FAM149A: variants seen among roughly 807,000 people sequenced by gnomAD.
FAM149A encodes the protein protein FAM149A.
Under a neutral mutation model 78.2 loss-of-function variants are expected in FAM149A, and 71 were observed. The observed-to-expected ratio is 0.91, with a 90% confidence interval of 0.75 to 1.11. FAM149A has a LOEUF of 1.11. FAM149A is among the 50% of genes least tolerant of loss of function. The pLI is 0.00. For synonymous variants in FAM149A, 446 were observed against 410.5 expected (o/e 1.09, Z -1.04); for missense variants, 1,036 against 971.0 (o/e 1.07, Z -0.89).
chr4:186,151,118 G>A, intron 3 of FAM149A: 2 of 951,730 alleles, frequency 2.1e-6, no homozygotes, highest in Non-Finnish European at 2.5e-6. Flanking sequence ...GTGCACCGAG[G>A]GGGTCTGAAA....
chr4:186,139,570 G>C (rs1049578184), intron 1 of FAM149A, among the ~76,000 whole-genome samples: 3 of 152,196 alleles, frequency 2.0e-5, no homozygotes, highest in Admixed American at 6.5e-5. Flanking sequence ...CTACCACCTT[G>C]ATCTTGGACT....
intron 6 of FAM149A, chr4:186,155,038 C>G (rs1235720253): frequency 3.1e-6 from 2 of 643,198 alleles, no homozygotes; most frequent in African/African-American, 3.9e-5. Flanking sequence ...GCTCGGCTGA[C>G]TGCAAACTCC....
At chr4:186,124,209 G>A (rs2099317271) in intron 1 of FAM149A, 1 of 985,306 alleles carries the variant, frequency 1.0e-6, no homozygotes, top group Non-Finnish European at 1.2e-6. Flanking sequence ...TGGAGGCAGA[G>A]GGTGGGTTGG....
At chr4:186,131,145 C>A (rs1230424550) in intron 1 of FAM149A, among the ~76,000 whole-genome samples, 1 of 151,962 alleles carries the variant, frequency 6.6e-6, no homozygotes, top group Middle Eastern at 3.2e-3. Flanking sequence ...GTCAAGAGTT[C>A]GAGACCAGAC....
intron 1 of FAM149A, chr4:186,116,772 T>C: frequency 1.0e-6 from 1 of 981,678 alleles, no homozygotes; most frequent in Non-Finnish European, 1.2e-6. Flanking sequence ...GAGTTAGCAG[T>C]TATATGTTTT....
rs1735610005 is a variant in FAM149A, at chr4:186,172,561, C to A, written c.*574C>A. 2 of 112,476 alleles carry A rather than the reference C, an allele frequency of 1.8e-5. 1 individual carries two copies. Among genetic ancestry groups the A allele is most frequent in the Admixed American group, 1.7e-4 (2 of 11,532 alleles). The allele number at this position is 112,476 out of a possible 1,614,324, so 7.0% of individuals were successfully genotyped here. On this transcript the variant is annotated 3_prime_UTR_variant, in exon 14 of 14. Coordinates refer to ENST00000389354, the MANE Select transcript of FAM149A (RefSeq NM_001367768.3). The stretch of plus-strand genomic sequence containing the variant: ...AATGTCAGTGGCAAAATCTCCCAAG[C>A]TAATTTTCTTTTTCTATGTTCCATC...
chr4:186,149,324 GC>G (rs1733289495), intron 2 of FAM149A, 41 bp downstream of exon 2: 4 of 1,269,322 alleles, frequency 3.2e-6, no homozygotes, highest in Non-Finnish European at 4.1e-6. Flanking sequence ...ATCACAAAAT[GC>G]CCGTAACAAA....
intron 1 of FAM149A, among the ~76,000 whole-genome samples, chr4:186,119,375 CAG>C (rs1427848844): frequency 6.6e-6 from 1 of 152,094 alleles, no homozygotes; most frequent in Non-Finnish European, 1.5e-5. Flanking sequence ...CTGAAAAGCA[CAG>C]AAACAAAATA....
At chr4:186,149,841 A>T (rs1341441403) in intron 3 of FAM149A, 137 bp downstream of exon 3, 1 of 470,250 alleles carries the variant, frequency 2.1e-6, no homozygotes, top group Non-Finnish European at 3.2e-6. Context: ...ATGTAAAAGC[A>T]TGTACATGTT....
chr4:186,135,677 T>C (rs28592939), intron 1 of FAM149A, among the ~76,000 whole-genome samples: 114,189 of 152,098 alleles, frequency 0.75, 43,045 homozygotes, highest in Middle Eastern at 0.87. Flanking sequence ...TATTTCCTTC[T>C]CAAGGCACAC....
chr4:186,139,186 T>G lies in FAM149A; in HGVS notation c.567-9987T>G, dbSNP rs7686442. On this transcript the variant is annotated intron_variant, in intron 1 of 13. Transcript: ENST00000389354. ...GCTCTCATTCTTCTGTTGTTTTGGT[T>G]TTTGTTTTTTGAGCACTTTCCTACA... Among the ~76,000 whole-genome samples, 495 of 152,206 alleles carry G rather than the reference T, an allele frequency of 3.3e-3. 3 individuals carry two copies. The highest frequency in any genetic ancestry group is 0.011 in the African/African-American group (472 of 41,534).
intron 1 of FAM149A, chr4:186,127,373 T>A: frequency 1.0e-6 from 1 of 985,386 alleles, no homozygotes; most frequent in African/African-American, 1.7e-5. Context: ...ATTCCACAGG[T>A]AGATTGAAAC....
rs530898353 is a variant in FAM149A at position 186,160,432 on chromosome 4, CCAAA to C, written c.1576-2410_1576-2407del. ...ACCCCCCACATAAACACACCACACA[CCAAA>C]CATATATCCCACACAAACACACCAC... On this transcript the variant is annotated intron_variant, in intron 8 of 13. Transcript: ENST00000389354. Among the ~76,000 whole-genome samples the C allele has an allele frequency of 8.0e-3, 1,181 of 148,054 alleles. 17 individuals carry two copies. Among genetic ancestry groups the C allele is most frequent in the African/African-American group, 0.028 (1,117 of 40,050 alleles).
intron 1 of FAM149A, among the ~76,000 whole-genome samples, chr4:186,128,484 AC>A (rs760624925): frequency 1.1e-4 from 16 of 151,086 alleles, no homozygotes; most frequent in Non-Finnish European, 1.2e-4. Context: ...AAAAAAAAAA[AC>A]CAAAAAGAGC....
chr4:186,125,137 C>A, intron 1 of FAM149A: 2 of 381,548 alleles, frequency 5.2e-6, no homozygotes, highest in Non-Finnish European at 7.2e-6. Context: ...ACAGTGTGGT[C>A]ATGTGTCCAC....
At chr4:186,131,557 T>C (rs1274680072) in intron 1 of FAM149A, among the ~76,000 whole-genome samples, 1 of 152,216 alleles carries the variant, frequency 6.6e-6, no homozygotes, top group African/African-American at 2.4e-5. Flanking sequence ...GCCCAGTCTG[T>C]GGTGTCTTGC....
chr4:186,113,072 A>T (rs144219592), intron 1 of FAM149A, among the ~76,000 whole-genome samples: 137,961 of 139,812 alleles, frequency 0.99, 68,109 homozygotes, highest in Non-Finnish European at 1. Context: ...CCACAATTTC[A>T]GCTCCTTTTA....
At position 186,105,017 on chromosome 4, in the gene FAM149A, CG is replaced by C; in HGVS notation, c.-58del. On this transcript the variant is annotated 5_prime_UTR_variant, in exon 1 of 14. Coordinates refer to ENST00000389354, the MANE Select transcript of FAM149A (RefSeq NM_001367768.3). ...TCGCCCCGGCCCGGGCCGCCTCGGC[CG>C]GATCTCCGCGGTCTGAACTCTCGGG... 1 of 1,250,316 alleles carries C rather than the reference CG, an allele frequency of 8.0e-7. No individual in the cohort carries two copies. The highest frequency in any genetic ancestry group is 1.0e-6 in the Non-Finnish European group (1 of 972,092). 77.5% of individuals were successfully genotyped at this position (1,250,316 alleles called of 1,614,324 possible).
In FAM149A at chr4:186,136,992, C is replaced by CTT. The variant is rs1481785038; in HGVS notation, c.567-12180_567-12179insTT. Among the ~76,000 whole-genome samples the CTT allele has an allele frequency of 1.4e-3, 172 of 126,760 alleles. 2 individuals carry two copies. The highest frequency in any genetic ancestry group is 4.3e-3 in the Middle Eastern group (1 of 234). The allele number at this position is 126,760 out of a possible 152,430, so 83.2% of individuals were successfully genotyped here. On this transcript the variant is annotated intron_variant, in intron 1 of 13. Transcript: ENST00000389354. The stretch of plus-strand genomic sequence containing the variant: ...TCTCTCTCTTTCTCTCTCTCTCTCT[C>CTT]TCTCTCTCTCTCTCTCTCTCTCTCT...
Sources: allele counts gnomAD v4.1 joint callset (sites outside exome capture counted in the v4.1 genomes callset), GRCh38; gene constraint gnomAD v4.1.1; transcripts MANE v1.5; gene names NCBI Gene and HGNC (gene_info 2026-07-23, HGNC 2026-07-21).